Variants in ATP5F1A observed in about 807,000 individuals in gnomAD.
The protein encoded by ATP5F1A is ATP synthase F1 subunit alpha, also known as ATP synthase F(1) complex subunit alpha, mitochondrial.
A neutral mutation model predicts 57.4 loss-of-function variants in ATP5F1A; 24 were observed. The observed-to-expected ratio is 0.42, with a 90% CI of 0.30 to 0.59. The LOEUF is 0.59. Ranked by LOEUF, ATP5F1A falls within the 20% of genes least tolerant of loss-of-function variation. The probability of loss-of-function intolerance (pLI) is 0.19; values close to 1 mark genes in which losing one functional copy is unlikely to be tolerated. For missense variants in ATP5F1A, 494 were observed against 707.9 expected, an observed-to-expected ratio of 0.70 and a Z score of 3.43; for synonymous variants, 251 against 255.5, an observed-to-expected ratio of 0.98 and a Z score of 0.17.
chr18:46,088,419 T>C, intron 5 of ATP5F1A, 162 bp from the exon 6 acceptor site: 1 of 613,736 alleles, frequency 1.6e-6, no homozygotes, highest in Non-Finnish European at 2.7e-6. Flanking sequence ...TGCCTTGAGA[T>C]GCTGTTAGTC....
intron 10 of ATP5F1A, chr18:46,085,021 G>C (rs952597120): frequency 1.9e-5 from 3 of 161,314 alleles, no homozygotes; most frequent in Non-Finnish European, 2.7e-5. Flanking sequence ...ATAGCCAAGT[G>C]GGGGAGGGGA....
intron 10 of ATP5F1A, 55 bp from the exon 11 acceptor site, chr18:46,084,709 G>A (rs1353139868): frequency 6.8e-7 from 1 of 1,471,722 alleles, no homozygotes; most frequent in Non-Finnish European, 9.0e-7. Context: ...TGAATGCCAT[G>A]TTACCAAGGT....
rs1303759623 is a variant in ATP5F1A at position 46,082,182 on chromosome 18, G to A, written c.*2100C>T. ...GTGGATCATGAGGTCAGGAGATCGA[G>A]ACCATCCTGGCGAACATGGTGAAAC... On this transcript the variant is annotated 3_prime_UTR_variant, in exon 12 of 12. Transcript: ENST00000398752. The A allele has an allele frequency of 2.0e-5, 3 of 149,876 alleles. No homozygotes were observed. Among genetic ancestry groups the A allele is most frequent in the South Asian group, 2.1e-4 (1 of 4,764 alleles). 9.3% of individuals were successfully genotyped at this position (149,876 alleles called of 1,614,324 possible).
Position 46,092,617 on chromosome 18 carries a change from T to TTTTA in ATP5F1A, c.140-767_140-766insTAAA, listed in dbSNP as rs1555695865. ...AGTGAGACTATCACACACACAAAAATTATATATATATATATATATTCTACA... is the reference window on the plus strand; with the variant it reads ...AGTGAGACTATCACACACACAAAAATTTTATATATATATATATATATATTCTACA... On this transcript the variant is annotated intron_variant, in intron 2 of 11. Coordinates refer to ENST00000398752, the MANE Select transcript of ATP5F1A (RefSeq NM_004046.6). 6.6e-3 allele frequency among the ~76,000 whole-genome samples: 961 copies of TTTTA among 146,464 alleles called. 5 individuals are homozygous for TTTTA. Among genetic ancestry groups the TTTTA allele is most frequent in the African/African-American group, 0.022 (897 of 39,892 alleles).
chr18:46,095,378 G>GT (rs933961496), intron 1 of ATP5F1A, among the ~76,000 whole-genome samples: 43 of 152,010 alleles, frequency 2.8e-4, no homozygotes, highest in Admixed American at 1.1e-3. Flanking sequence ...TATTATTATT[G>GT]TTTTTTTGAG....
In ATP5F1A at chr18:46,081,686, A is replaced by AAAAAAAAAAAAAAAC. The variant is rs1909758536; in HGVS notation, c.*2595_*2596insGTTTTTTTTTTTTTT. 1 of 149,176 alleles carries AAAAAAAAAAAAAAAC rather than the reference A, an allele frequency of 6.7e-6. No individual in the cohort carries two copies. Among genetic ancestry groups the AAAAAAAAAAAAAAAC allele is most frequent in the Non-Finnish European group, 1.5e-5 (1 of 67,428 alleles). 9.2% of individuals were successfully genotyped at this position (149,176 alleles called of 1,614,324 possible). ...AAAAAAAAAAAACAAAAAAAAAAAA[A>AAAAAAAAAAAAAAAC]AAAAAAAAAAACGAAATGTGCAGAA... On this transcript the variant is annotated 3_prime_UTR_variant, in exon 12 of 12. Transcript: ENST00000398752.
intron 1 of ATP5F1A, among the ~76,000 whole-genome samples, chr18:46,103,904 A>G (rs1020805194): frequency 1.3e-5 from 2 of 151,390 alleles, no homozygotes; most frequent in African/African-American, 4.9e-5. Context: ...ACAAAGCGAG[A>G]CTCTGTCTCA....
At chr18:46,093,106 C>T (rs8083988) in intron 2 of ATP5F1A, 1 of 151,326 alleles carries the variant, frequency 6.6e-6, no homozygotes, top group African/African-American at 2.4e-5. Flanking sequence ...CTGAGATAGC[C>T]CCACTGCACT....
At position 46,095,075 on chromosome 18, in the gene ATP5F1A, A is replaced by G; in HGVS notation, c.117T>C (p.Ser39=). The change falls in exon 2 of 12, where the codon TCT becomes TCC. Residue 39 remains serine, a synonymous_variant. Coordinates refer to ENST00000398752, the MANE Select transcript of ATP5F1A (RefSeq NM_004046.6). ...TACCAGTCTTTTGAAGATGAGTGTTAGAGGCATGGAAGTTCCTTGCAGCAA... is the reference window on the plus strand; with the variant it reads ...TACCAGTCTTTTGAAGATGAGTGTTGGAGGCATGGAAGTTCCTTGCAGCAA... ...SFIAARNFHA[S]NTHLQKTGTA... The G allele has an allele frequency of 1.2e-6, 2 of 1,613,732 alleles. No homozygotes were observed. Among genetic ancestry groups the G allele is most frequent in the South Asian group, 2.2e-5 (2 of 91,046 alleles).
intron 2 of ATP5F1A, among the ~76,000 whole-genome samples, chr18:46,093,815 A>G (rs929723882): frequency 2.6e-5 from 4 of 151,878 alleles, no homozygotes; most frequent in African/African-American, 9.7e-5. Context: ...CAGAGTCTCA[A>G]AAAAAAGGAG....
intron 5 of ATP5F1A, 154 bp downstream of exon 5, chr18:46,089,412 G>A: frequency 2.3e-6 from 2 of 868,066 alleles, no homozygotes; most frequent in African/African-American, 3.4e-5. Flanking sequence ...GTGTGGAGGG[G>A]CTGGCCCCCT....
At chr18:46,098,087 C>A in intron 1 of ATP5F1A, 85 bp downstream of exon 1, 2 of 1,503,520 alleles carry the variant, frequency 1.3e-6, no homozygotes, top group Non-Finnish European at 1.8e-6. Flanking sequence ...GCCCCTCGCC[C>A]TCCTGCAGAG....
At chr18:46,101,853 T>G (rs4890623), upstream of ATP5F1A, among the ~76,000 whole-genome samples, 1 of 146,878 alleles carries the variant, frequency 6.8e-6, no homozygotes, top group Non-Finnish European at 1.5e-5. Context: ...GCACTCCAGC[T>G]TGGGCAACAC....
intron 5 of ATP5F1A, 84 bp downstream of exon 5, chr18:46,089,482 C>T: frequency 6.7e-7 from 1 of 1,489,916 alleles, no homozygotes; most frequent in Non-Finnish European, 9.2e-7. Context: ...GTCCCCATTA[C>T]CATTTACCAT....
upstream of ATP5F1A, among the ~76,000 whole-genome samples, chr18:46,102,679 C>A (rs1190962440): frequency 1.3e-5 from 2 of 151,704 alleles, no homozygotes; most frequent in East Asian, 3.9e-4. Flanking sequence ...GGGTGTGGTG[C>A]CTCATGCTTG....
At chr18:46,088,652 G>T (rs920689492) in intron 5 of ATP5F1A, 1 of 157,172 alleles carries the variant, frequency 6.4e-6, no homozygotes, top group African/African-American at 2.4e-5. Flanking sequence ...TATTGTGCAA[G>T]GTTTCTCCCC....
At chr18:46,097,938 C>T (rs1462871328) in intron 1 of ATP5F1A, 3 of 1,263,800 alleles carry the variant, frequency 2.4e-6, no homozygotes, top group Non-Finnish European at 3.0e-6. Context: ...TCTTGAGGCC[C>T]TGTCTCTGGA....
chr18:46,103,284 C>T (rs546464087), upstream of ATP5F1A, among the ~76,000 whole-genome samples: 15 of 151,584 alleles, frequency 9.9e-5, no homozygotes, highest in South Asian at 3.1e-3. Flanking sequence ...GCACTCCAGC[C>T]TAAGCGACAG....
At chr18:46,086,913 AT>A (rs1910140535) in intron 8 of ATP5F1A, 94 bp downstream of exon 8, 1 of 1,334,576 alleles carries the variant, frequency 7.5e-7, no homozygotes, top group African/African-American at 1.5e-5. Flanking sequence ...AGTAAAATGC[AT>A]TTAGCAAATC....
Sources: allele counts gnomAD v4.1 joint callset (sites outside exome capture counted in the v4.1 genomes callset), GRCh38; gene constraint gnomAD v4.1.1; transcripts MANE v1.5; gene names NCBI Gene and HGNC (gene_info 2026-07-23, HGNC 2026-07-21).